Variants in MTOR observed in about 807,000 individuals in gnomAD.
MTOR encodes the protein mechanistic target of rapamycin kinase, also known as serine/threonine-protein kinase mTOR.
A neutral mutation model predicts 319.8 loss-of-function variants in MTOR; 70 were observed. The ratio of observed to expected loss-of-function variants is 0.22; its 90% confidence interval spans 0.18 to 0.27. The LOEUF is 0.27. Among genes scored for constraint, MTOR ranks in the 10% least tolerant of loss-of-function variants. The pLI is 1.00. For missense variants in MTOR, 1,890 were observed against 3,274.4 expected (o/e 0.58, Z 10.32); for synonymous variants, 1,183 against 1,211.4 (o/e 0.98, Z 0.49).
intron 24 of MTOR, 110 bp downstream of exon 24, chr1:11,210,704 A>G: frequency 1.2e-6 from 1 of 812,214 alleles, no homozygotes; most frequent in Non-Finnish European, 1.9e-6. Flanking sequence ...AAGTTTGCCA[A>G]TCCCTAATTT....
rs577782098 is a variant in MTOR, at chr1:11,183,988, T to C, written c.4253+15270A>G. Among the ~76,000 whole-genome samples the C allele has an allele frequency of 3.3e-5, 5 of 152,348 alleles. No homozygotes were observed. The East Asian group carries it at 9.6e-4, about 29-fold the overall frequency. On this transcript the variant is annotated intron_variant, in intron 28 of 57. Transcript: ENST00000361445. ...ACACAAAATTAAGTATCTCTACATATGTGGGTCTGTTTCTGGACATTTAAT... is the reference window on the plus strand; with the variant it reads ...ACACAAAATTAAGTATCTCTACATACGTGGGTCTGTTTCTGGACATTTAAT...
rs575807988 is a variant in MTOR, at chr1:11,159,349, A to C, written c.4330-2058T>G. On this transcript the variant is annotated intron_variant, in intron 29 of 57. Coordinates refer to ENST00000361445, the MANE Select transcript of MTOR (RefSeq NM_004958.4). ...TGCTGTCTTAGTCTAGTTACAGATA[A>C]TATGTGCTAAGGCCGGGCATGGTGA... 2.6e-5 allele frequency among the ~76,000 whole-genome samples: 4 copies of C among 152,258 alleles called. No individual in the cohort carries two copies. In the East Asian group the frequency reaches 7.7e-4, roughly 29 times the overall value.
intron 33 of MTOR, 81 bp downstream of exon 33, chr1:11,144,887 G>C (rs1237986601): frequency 6.5e-7 from 1 of 1,544,036 alleles, no homozygotes; most frequent in Non-Finnish European, 8.9e-7. Flanking sequence ...CCAGCAGCCT[G>C]TAAGTTCTCA....
At chr1:11,181,162 T>C (rs541137546) in intron 28 of MTOR, among the ~76,000 whole-genome samples, 1 of 152,170 alleles carries the variant, frequency 6.6e-6, no homozygotes, top group African/African-American at 2.4e-5. Context: ...CCAGTGCAGG[T>C]TGAAGTAATC....
chr1:11,218,094 G>GTA (rs1377269856), intron 19 of MTOR, among the ~76,000 whole-genome samples: 2 of 152,152 alleles, frequency 1.3e-5, no homozygotes, highest in East Asian at 3.9e-4. Context: ...CTACAGTTTT[G>GTA]TAGTGATTCC....
intron 8 of MTOR, among the ~76,000 whole-genome samples, chr1:11,246,516 G>GA (rs778727731): frequency 6.6e-6 from 1 of 152,190 alleles, no homozygotes; most frequent in Non-Finnish European, 1.5e-5. Context: ...TTTATGTGGC[G>GA]AATTGTCATG....
Position 11,230,953 on chromosome 1 carries a change from C to T in MTOR, c.2751G>A (p.Leu917=), listed in dbSNP as rs2100865948. The part of the protein sequence containing the change: ...DQSRDASAVS[L]SESKSSQDSS... ...AATCCTGACTTGACTTGGATTCTGA[C>T]AGGCTGACAGCAGAGGCATCCCGGG... The change falls in exon 18 of 58, where the codon CTG becomes CTA. Residue 917 remains leucine (L), a synonymous_variant. Coordinates refer to ENST00000361445, the MANE Select transcript of MTOR (RefSeq NM_004958.4). The T allele has an allele frequency of 9.9e-6, 16 of 1,614,060 alleles. No individual in the cohort carries two copies. Among genetic ancestry groups the T allele is most frequent in the Non-Finnish European group, 1.4e-5 (16 of 1,180,014 alleles).
At chr1:11,111,207 G>A (rs1641846716) in intron 54 of MTOR, 1 of 454,024 alleles carries the variant, frequency 2.2e-6, no homozygotes, top group South Asian at 1.6e-5. Flanking sequence ...GGCAAGGTGG[G>A]GTGGCTCATG....
At chr1:11,156,473 T>C (rs998553560) in intron 30 of MTOR, among the ~76,000 whole-genome samples, 1 of 152,230 alleles carries the variant, frequency 6.6e-6, no homozygotes, top group African/African-American at 2.4e-5. Flanking sequence ...TACGCATTAC[T>C]GTTGCTTGCA....
chr1:11,241,660 C>T lies in MTOR; in HGVS notation c.1434G>A (p.Val478=). The T allele has an allele frequency of 1.9e-6, 3 of 1,613,370 alleles. No homozygotes were observed. The highest frequency in any genetic ancestry group is 2.5e-6 in the Non-Finnish European group (3 of 1,179,440). ...FAHKRQKAMQ[V]DATVFTCISM... ...TGATGCAAGTGAAGACTGTGGCATC[C>T]ACCTGCATTGCCTTCTGCCTCCTGT... Residue 478 remains valine (V), a synonymous_variant, in exon 10 of 58, where the codon GTG becomes GTA. Transcript: ENST00000361445.
At chr1:11,209,157 G>A (rs1447534959) in intron 25 of MTOR, among the ~76,000 whole-genome samples, 155 bp downstream of exon 25, 7 of 152,192 alleles carry the variant, frequency 4.6e-5, no homozygotes, top group Admixed American at 4.6e-4. Flanking sequence ...TTAGGCACCT[G>A]TAAAAAGACA....
At chr1:11,139,827 G>C (rs950075107) in intron 34 of MTOR, among the ~76,000 whole-genome samples, 169 bp from the exon 35 acceptor site, 2 of 152,220 alleles carry the variant, frequency 1.3e-5, no homozygotes, top group African/African-American at 4.8e-5. Flanking sequence ...GAGTAGCGGG[G>C]ATTACAGGCG....
intron 28 of MTOR, among the ~76,000 whole-genome samples, chr1:11,194,231 GAA>G (rs1645683203): frequency 6.6e-6 from 1 of 152,214 alleles, no homozygotes; most frequent in South Asian, 2.1e-4. Flanking sequence ...GAGGAATATA[GAA>G]AGAGAGACTA....
intron 47 of MTOR, among the ~76,000 whole-genome samples, chr1:11,123,923 G>C (rs370228570): frequency 1.3e-5 from 2 of 152,022 alleles, no homozygotes; most frequent in African/African-American, 4.8e-5. Context: ...GAGTAGCCGG[G>C]ATTACAGGTG....
At chr1:11,182,056 A>G (rs569794702) in intron 28 of MTOR, among the ~76,000 whole-genome samples, 1 of 152,248 alleles carries the variant, frequency 6.6e-6, no homozygotes, top group South Asian at 2.1e-4. Flanking sequence ...CCTCTCTACT[A>G]AAAATACAAA....
chr1:11,256,850 T>G lies in MTOR; in HGVS notation c.504+83A>C. 3.0e-6 allele frequency: 4 copies of G among 1,348,318 alleles called. No homozygotes were observed. The Admixed American group carries it at 8.1e-5, about 27-fold the overall frequency. 83.5% of individuals were successfully genotyped at this position (1,348,318 alleles called of 1,614,324 possible). On this transcript the variant is annotated intron_variant, in intron 4 of 57. Coordinates refer to ENST00000361445, the MANE Select transcript of MTOR (RefSeq NM_004958.4). The stretch of plus-strand genomic sequence containing the variant: ...TCTTCTAACCAGCTTTTTTAAGGAA[T>G]GAGCCTCAGAAGGAAGCAAAAGACC...
chr1:11,255,976 G>A lies in MTOR; in HGVS notation c.705+16C>T. ...GATGTGCTTTGCTAGTGGTGGGAAT[G>A]GAGCCATCTCCTTACCCTGTACCAC... On this transcript the variant is annotated intron_variant, in intron 5 of 57. Transcript: ENST00000361445. 2 of 1,607,728 alleles carry A rather than the reference G, an allele frequency of 1.2e-6. No homozygotes were observed. Among genetic ancestry groups the A allele is most frequent in the Non-Finnish European group, 1.7e-6 (2 of 1,175,436 alleles).
intron 28 of MTOR, among the ~76,000 whole-genome samples, chr1:11,174,841 G>C (rs1644933408): frequency 6.6e-6 from 1 of 152,102 alleles, no homozygotes; most frequent in African/African-American, 2.4e-5. Context: ...GCTTATAAAG[G>C]GCAAACTGTT....
chr1:11,241,829 G>T lies in MTOR; in HGVS notation c.1413-148C>A, dbSNP rs535882145. ...AATTGTCCAGAGCACAGTTCAAAGG[G>T]ACCCATCACATCACAATTACTGTAG... On this transcript the variant is annotated intron_variant, in intron 9 of 57. Coordinates refer to ENST00000361445, the MANE Select transcript of MTOR (RefSeq NM_004958.4). 12 of 769,006 alleles carry T rather than the reference G, an allele frequency of 1.6e-5. No individual in the cohort carries two copies. The African/African-American group carries it at 1.7e-4, about 11-fold the overall frequency. The allele number at this position is 769,006 out of a possible 1,614,324, so 47.6% of individuals were successfully genotyped here. A position where few individuals can be genotyped will look rare whatever the true frequency, so the allele number is the denominator to read the frequency against.
Sources: gnomAD v4.1 joint callset for allele counts (sites outside exome capture counted in the v4.1 genomes callset) on GRCh38, gnomAD v4.1.1 for gene constraint, MANE v1.5 for transcripts, NCBI Gene and HGNC (gene_info 2026-07-23, HGNC 2026-07-21) for gene names.